The following GPATCH1 variants were observed in gnomAD, a reference collection of about 807,000 sequenced individuals.
GPATCH1 encodes G-patch domain containing 1.
A neutral mutation model predicts 114.9 loss-of-function variants in GPATCH1; 73 were observed. That is an observed-to-expected ratio of 0.64 (90% CI 0.53 to 0.77). GPATCH1 has a LOEUF of 0.77. GPATCH1 is among the 30% of genes least tolerant of loss of function. The probability of loss-of-function intolerance (pLI) is 0.00; values close to 1 mark genes in which losing one functional copy is unlikely to be tolerated. For missense variants in GPATCH1, 1,058 were observed against 1,144.3 expected (o/e 0.92, Z 1.09); for synonymous variants, 391 against 428.4 (o/e 0.91, Z 1.08).
intron 9 of GPATCH1, 58 bp from the exon 10 acceptor site, chr19:33,106,637 T>C: frequency 7.1e-7 from 1 of 1,415,220 alleles, no homozygotes; most frequent in South Asian, 1.1e-5. Flanking sequence ...GTTTTCCTGA[T>C]TAAATCAAAC....
In GPATCH1 at chr19:33,097,809, ACT is replaced by A; in HGVS notation, c.910_911del (p.Leu304IlefsTer4). 2 of 1,613,460 alleles carry A rather than the reference ACT, an allele frequency of 1.2e-6. No homozygotes were observed. The highest frequency in any genetic ancestry group is 1.7e-6 in the Non-Finnish European group (2 of 1,179,668). On this transcript the variant is annotated frameshift_variant, in exon 8 of 20. Transcript: ENST00000170564. LOFTEE classifies it high-confidence loss of function. ...EEDDDIYATE[T>X]LSKYDTVLKD... ...AGATGATGATATCTATGCCACAGAA[ACT>A]CTATCCAAGTATGACACTGTTCTGA...
In GPATCH1 at chr19:33,097,850, T is replaced by C; in HGVS notation, c.948T>C (p.Pro316=). ...KYDTVLKDEE[P]GDGLYGWTAP... Reference sequence around the variant, plus strand: ...ACACTGTTCTGAAGGACGAGGAGCCTGGAGACGGACTCTATGGCTGGACAG... The same window carrying C: ...ACACTGTTCTGAAGGACGAGGAGCCCGGAGACGGACTCTATGGCTGGACAG... Residue 316 remains proline (P), a synonymous_variant, in exon 8 of 20, where the codon CCT becomes CCC. Coordinates refer to ENST00000170564, the MANE Select transcript of GPATCH1 (RefSeq NM_018025.3). The C allele has an allele frequency of 3.7e-6, 6 of 1,614,026 alleles. No individual in the cohort carries two copies. Among genetic ancestry groups the C allele is most frequent in the Non-Finnish European group, 5.1e-6 (6 of 1,179,912 alleles).
chr19:33,093,266 T>G, intron 3 of GPATCH1, 93 bp from the exon 4 acceptor site: 1 of 796,762 alleles, frequency 1.3e-6, no homozygotes, highest in South Asian at 1.9e-5. Flanking sequence ...TTTTGTAGTT[T>G]TAACTTTTTT....
At chr19:33,122,722 G>C (rs1972999657) in intron 17 of GPATCH1, among the ~76,000 whole-genome samples, 2 of 151,912 alleles carry the variant, frequency 1.3e-5, no homozygotes, top group South Asian at 2.1e-4. Context: ...GACTTAATTT[G>C]GTCTATGGGT....
intron 1 of GPATCH1, among the ~76,000 whole-genome samples, chr19:33,084,059 CT>C (rs1384126773): frequency 2.6e-5 from 4 of 152,192 alleles, no homozygotes; most frequent in Non-Finnish European, 5.9e-5. Flanking sequence ...ATCTGCCTGC[CT>C]CGGCCTCCCA....
At chr19:33,110,358 C>T (rs557516455) in intron 11 of GPATCH1, among the ~76,000 whole-genome samples, 3 of 152,254 alleles carry the variant, frequency 2.0e-5, no homozygotes, top group Admixed American at 6.5e-5. Context: ...CCACCTCATC[C>T]GAAGATCCTA....
intron 13 of GPATCH1, 192 bp from the exon 14 acceptor site, chr19:33,113,575 A>G (rs1417234831): frequency 1.9e-6 from 1 of 534,828 alleles, no homozygotes; most frequent in African/African-American, 1.9e-5. Context: ...TCTTGTCCTT[A>G]TCATAATAAG....
chr19:33,099,878 C>T (rs759842876), intron 8 of GPATCH1, among the ~76,000 whole-genome samples: 83 of 150,656 alleles, frequency 5.5e-4, no homozygotes, highest in Non-Finnish European at 8.3e-4. Flanking sequence ...TCAAGCAATT[C>T]TCCTGCCTCA....
chr19:33,090,922 C>T (rs1420880097), intron 3 of GPATCH1, 57 bp downstream of exon 3: 3 of 994,858 alleles, frequency 3.0e-6, no homozygotes, highest in African/African-American at 3.2e-5. Context: ...TAGTTGGTTG[C>T]TGTAACTGCC....
At chr19:33,090,933 T>A in intron 3 of GPATCH1, 68 bp downstream of exon 3, 1 of 899,840 alleles carries the variant, frequency 1.1e-6, no homozygotes, top group Non-Finnish European at 1.9e-6. Context: ...TGTAACTGCC[T>A]TCTCTCTCCC....
chr19:33,095,326 G>A (rs1387413132), intron 5 of GPATCH1, among the ~76,000 whole-genome samples: 1 of 145,868 alleles, frequency 6.9e-6, no homozygotes, highest in African/African-American at 2.6e-5. Flanking sequence ...TACAATGCGC[G>A]ATCTCGGCTC....
Position 33,119,830 on chromosome 19 carries a change from G to C in GPATCH1, c.2521+713G>C, listed in dbSNP as rs574441338. ...AGGTCAGGAGTTTGAGACCACCCTG[G>C]TGAATTTGGTGAAAGCCCATCTCTA... is the stretch of plus-strand genomic sequence containing the variant. On this transcript the variant is annotated intron_variant, in intron 17 of 19. Transcript: ENST00000170564. Among the ~76,000 whole-genome samples, 3 of 150,760 alleles carry C rather than the reference G, an allele frequency of 2.0e-5. No individual in the cohort carries two copies. The East Asian group carries it at 5.8e-4, about 29-fold the overall frequency.
intron 16 of GPATCH1, 119 bp downstream of exon 16, chr19:33,118,160 C>A: frequency 7.4e-5 from 38 of 515,262 alleles, no homozygotes; most frequent in Non-Finnish European, 1.2e-4. Flanking sequence ...GATATGTAAT[C>A]TTTTATATGT....
At chr19:33,097,014 C>T (rs1476016751) in intron 7 of GPATCH1, among the ~76,000 whole-genome samples, 12 of 149,892 alleles carry the variant, frequency 8.0e-5, no homozygotes, top group East Asian at 8.0e-4. Context: ...GGCGCGATCT[C>T]GGCTCACCGC....
chr19:33,087,426 C>A (rs1159247677), intron 1 of GPATCH1, among the ~76,000 whole-genome samples: 1 of 152,060 alleles, frequency 6.6e-6, no homozygotes, highest in African/African-American at 2.4e-5. Context: ...CAACCCAGCC[C>A]TTTCAACAAA....
chr19:33,092,934 A>G (rs534291281), intron 3 of GPATCH1, among the ~76,000 whole-genome samples: 2 of 152,282 alleles, frequency 1.3e-5, no homozygotes, highest in South Asian at 2.1e-4. Flanking sequence ...CATGCCTGTA[A>G]TCCCAGCACT....
intron 13 of GPATCH1, 136 bp from the exon 14 acceptor site, chr19:33,113,631 G>A (rs1568347501): frequency 6.1e-6 from 4 of 657,158 alleles, no homozygotes; most frequent in Non-Finnish European, 1.1e-5. Flanking sequence ...TTCTCGAACT[G>A]CTTTGAGAAG....
chr19:33,102,211 G>A (rs1269474454), intron 9 of GPATCH1, among the ~76,000 whole-genome samples: 3 of 151,392 alleles, frequency 2.0e-5, no homozygotes, highest in Non-Finnish European at 4.4e-5. Flanking sequence ...GTGGGCGCCT[G>A]TAATCCCAGT....
chr19:33,107,620 T>A (rs6510346), intron 10 of GPATCH1, among the ~76,000 whole-genome samples: 63,082 of 151,940 alleles, frequency 0.42, 16,534 homozygotes, highest in African/African-American at 0.73. Context: ...AGCAGGAAAG[T>A]CCCACCATGA....
Sources: gnomAD v4.1 joint callset for allele counts (sites outside exome capture counted in the v4.1 genomes callset) on GRCh38, gnomAD v4.1.1 for gene constraint, MANE v1.5 for transcripts, NCBI Gene and HGNC (gene_info 2026-07-23, HGNC 2026-07-21) for gene names.